Variants in SACS observed in about 807,000 individuals in gnomAD.
SACS encodes the protein sacsin molecular chaperone.
In SACS, 197 loss-of-function variants were observed where a neutral mutation model predicts 348.0. The ratio of observed to expected loss-of-function variants is 0.57; its 90% CI spans 0.50 to 0.64. The LOEUF (loss-of-function observed/expected upper bound fraction) is 0.64, where lower values mean the gene tolerates loss of function less well. Among genes scored for constraint, SACS ranks in the 30% least tolerant of loss-of-function variants. The pLI, the probability that SACS is intolerant of heterozygous loss-of-function variation, is 0.00. For synonymous variants in SACS, 1,985 were observed against 1,910.6 expected (o/e 1.04, Z -1.02); for missense variants, 4,999 against 5,360.8 (o/e 0.93, Z 2.11).
intron 1 of SACS, among the ~76,000 whole-genome samples, chr13:23,429,125 A>G (rs1197107894): frequency 2.6e-5 from 4 of 152,180 alleles, no homozygotes; most frequent in Non-Finnish European, 5.9e-5. Context: ...AAGCTGCTAA[A>G]TGAAATTTTA....
In SACS at chr13:23,335,120, G is replaced by A. The variant is rs894455535; in HGVS notation, c.8756C>T (p.Ala2919Val). ...WNNSLMTALIAPAYVELLIQL... is the reference protein window; with the variant it reads ...WNNSLMTALIVPAYVELLIQL... ...TATTAGCAATTCAACATATGCAGGA[G>A]CTATTAATGCTGTCATTAAACTGTT... Residue 2919 changes from alanine to valine, a missense_variant, in exon 10 of 10, where the codon GCT (alanine) becomes GTT (valine). By Grantham distance (64) the Ala-to-Val change is moderately conservative. Coordinates refer to ENST00000382292, the MANE Select transcript of SACS (RefSeq NM_014363.6). The surrounding 1 kb of genome is among the most constrained non-coding windows in gnomAD (Gnocchi z 4.7). 5.6e-6 allele frequency: 9 copies of A among 1,613,868 alleles called. No individual in the cohort carries two copies. Among genetic ancestry groups the A allele is most frequent in the East Asian group, 2.2e-5 (1 of 44,886 alleles).
chr13:23,377,122 G>C (rs576406769), intron 2 of SACS, among the ~76,000 whole-genome samples: 1 of 152,296 alleles, frequency 6.6e-6, no homozygotes, highest in East Asian at 1.9e-4. Flanking sequence ...TAGATTAGTG[G>C]GGCTGTGGGG....
At position 23,334,485 on chromosome 13, in the gene SACS, T is replaced by G; in HGVS notation, c.9391A>C (p.Ser3131Arg). The change falls in exon 10 of 10, where the codon AGT becomes CGT. Residue 3131 changes from serine to arginine, a missense_variant. Ser to Arg is a moderately radical substitution (Grantham distance 110). Transcript: ENST00000382292. Reference sequence around the variant, plus strand: ...CAATAATCAACTAAAAGTTTTAAACTATGAAAAAGTTTTAGATTAGTCTGC... The same window carrying G: ...CAATAATCAACTAAAAGTTTTAAACGATGAAAAAGTTTTAGATTAGTCTGC... ...LQQTNLKLFH[S>R]LKLLVDYCFK... The G allele has an allele frequency of 6.2e-7, 1 of 1,613,062 alleles. No homozygotes were observed. Among genetic ancestry groups the G allele is most frequent in the Non-Finnish European group, 8.5e-7 (1 of 1,179,766 alleles).
rs1869186520 is a variant in SACS at position 23,341,250 on chromosome 13, C to T, written c.2626G>A (p.Val876Ile). Residue 876 changes from valine (V) to isoleucine (I), a missense_variant, in exon 10 of 10, where the codon GTT becomes ATT. By Grantham distance (29) the Val-to-Ile change is conservative (BLOSUM62 3). Transcript: ENST00000382292. ...GGCATCTTCTCCATTATCTGCAAAA[C>T]AGCACTTGGTAATGGTGAATGAATA... Reference protein sequence around the residue: ...KYIHSPLPSAVLQIMEKMPLQ... With the variant: ...KYIHSPLPSAILQIMEKMPLQ... 6.2e-7 allele frequency: 1 copy of T among 1,613,836 alleles called. No homozygotes were observed. Among genetic ancestry groups the T allele is most frequent in the Non-Finnish European group, 8.5e-7 (1 of 1,179,904 alleles).
intron 2 of SACS, among the ~76,000 whole-genome samples, chr13:23,396,844 T>C (rs1432737715): frequency 6.6e-6 from 1 of 152,218 alleles, no homozygotes; most frequent in African/African-American, 2.4e-5. Context: ...AAAATCTTTT[T>C]GGCAACTGGC....
chr13:23,336,372 G>A lies in SACS; in HGVS notation c.7504C>T (p.Arg2502Ter), dbSNP rs281865118. The A allele has an allele frequency of 9.3e-6, 15 of 1,614,044 alleles. No individual in the cohort carries two copies. The highest frequency in any genetic ancestry group is 1.2e-5 in the Non-Finnish European group (14 of 1,179,944). The stretch of plus-strand genomic sequence containing the variant: ...GCATATCTTTCTAAGGCTTTGTGTC[G>A]CTTTGGGACTGCTCCTAGTTTTACT... ...VAVKLGAVPK[R>*]HKALERYASN... Residue 2502 changes from arginine (R) to a stop codon, truncating the protein, a stop_gained, in exon 10 of 10, where the codon CGA becomes TGA. Transcript: ENST00000382292. LOFTEE classifies it high-confidence loss of function.
At position 23,355,363 on chromosome 13, in the gene SACS, C is replaced by A; in HGVS notation, c.1249G>T (p.Val417Phe). The change falls in exon 8 of 10, where the codon GTC (valine) becomes TTC (phenylalanine). Residue 417 changes from valine (V) to phenylalanine (F), a missense_variant. Around this residue, in one of 6 missense-constraint regions of SACS, gnomAD observed 3,156 missense variants for 3,380.1 expected, o/e 0.93. Transcript: ENST00000382292. ...LDSLADELKF[V>F]PIIGIAMPLS... ...GGCATGGCTATTCCAATGATTGGGA[C>A]AAATTTCAGTTCATCAGCTAAAGAG... 1 of 1,614,122 alleles carries A rather than the reference C, an allele frequency of 6.2e-7. No individual in the cohort carries two copies. Among genetic ancestry groups the A allele is most frequent in the Non-Finnish European group, 8.5e-7 (1 of 1,180,036 alleles).
In SACS at chr13:23,338,484, A is replaced by G; in HGVS notation, c.5392T>C (p.Ser1798Pro). ...TCTGATGGCTTTTTTGATTGGCCAG[A>G]CTTAGCCATTTCAAAGAGAGCAGCT... is the stretch of plus-strand genomic sequence containing the variant. ...DPAALFEMAK[S>P]GQSKKPSDEL... Residue 1798 changes from serine (S) to proline (P), a missense_variant, in exon 10 of 10, where the codon TCT (serine) becomes CCT (proline). Physicochemically the swap from Ser to Pro is moderately conservative, Grantham distance 74. This residue lies in a region of SACS where 3,156 missense variants were observed against 3,380.1 expected (regional missense o/e 0.93). Transcript: ENST00000382292. 1 of 1,614,166 alleles carries G rather than the reference A, an allele frequency of 6.2e-7. No individual in the cohort carries two copies. Among genetic ancestry groups the G allele is most frequent in the Non-Finnish European group, 8.5e-7 (1 of 1,180,012 alleles).
chr13:23,364,273 T>A (rs529948659), intron 6 of SACS, among the ~76,000 whole-genome samples: 3 of 152,326 alleles, frequency 2.0e-5, no homozygotes, highest in East Asian at 3.9e-4. Flanking sequence ...GATCCCACTT[T>A]TTCTCAGTAA....
At position 23,331,103 on chromosome 13, in the gene SACS, G is replaced by A. The variant is rs765646434; in HGVS notation, c.12773C>T (p.Ala4258Val). Residue 4258 changes from alanine (A) to valine (V), a missense_variant, in exon 10 of 10, where the codon GCT (alanine) becomes GTT (valine). By Grantham distance (64) the Ala-to-Val change is moderately conservative. Coordinates refer to ENST00000382292, the MANE Select transcript of SACS (RefSeq NM_014363.6). ...AGTGGGGCTGGTTGGTGTAGAAGGA[G>A]CACTGTCCCTGCTTTGAGAGCTTTC... ...PEESSQSRDS[A>V]PSTPTSPTEF... 10 of 1,614,008 alleles carry A rather than the reference G, an allele frequency of 6.2e-6. No individual in the cohort carries two copies. In the South Asian group the frequency reaches 8.8e-5, roughly 14 times the overall value.
At chr13:23,414,051 T>C (rs1873606673) in intron 1 of SACS, among the ~76,000 whole-genome samples, 1 of 152,184 alleles carries the variant, frequency 6.6e-6, no homozygotes, top group Non-Finnish European at 1.5e-5. Flanking sequence ...ACGCCTGTAA[T>C]CCCAGCACGT....
chr13:23,375,382 C>T (rs954043621), intron 2 of SACS, 113 bp from the exon 3 acceptor site: 1 of 1,249,248 alleles, frequency 8.0e-7, no homozygotes, highest in African/African-American at 1.6e-5. Flanking sequence ...GCAGGCGCCC[C>T]TAGCGCCCGC....
Position 23,335,235 on chromosome 13 carries a change from A to C in SACS, c.8641T>G (p.Phe2881Val), listed in dbSNP as rs1161717839. Residue 2881 changes from phenylalanine (F) to valine (V), a missense_variant, in exon 10 of 10, where the codon TTT becomes GTT. Coordinates refer to ENST00000382292, the MANE Select transcript of SACS (RefSeq NM_014363.6). This position sits in a 1 kb window ranked among gnomAD's most constrained non-coding sequence, Gnocchi z 4.7. ...LPLSLETGLP[F>V]HVNGHFALDS... The stretch of plus-strand genomic sequence containing the variant: ...AGTGCAAAGTGGCCATTCACATGAA[A>C]TGGCAGCCCAGTCTCCAAAGAAAGA... The C allele has an allele frequency of 6.2e-7, 1 of 1,613,950 alleles. No individual in the cohort carries two copies. Among genetic ancestry groups the C allele is most frequent in the Admixed American group, 1.7e-5 (1 of 59,980 alleles).
Position 23,335,802 on chromosome 13 carries a change from G to T in SACS, c.8074C>A (p.Leu2692Met), listed in dbSNP as rs1173167953. 2 of 1,613,998 alleles carry T rather than the reference G, an allele frequency of 1.2e-6. No homozygotes were observed. Among genetic ancestry groups the T allele is most frequent in the South Asian group, 2.2e-5 (2 of 91,082 alleles). ...AATCTGAACATTGTGCAATTATCCA[G>T]TTTAAAATGGGTTCCCAGATAAAGA... ...LDLYLGTHFK[L>M]DNCTMFRFPL... Residue 2692 changes from leucine to methionine, a missense_variant, in exon 10 of 10, where the codon CTG (leucine) becomes ATG (methionine). Physicochemically the swap from Leu to Met is conservative, Grantham distance 15. Transcript: ENST00000382292. The surrounding 1 kb of genome is among the most constrained non-coding windows in gnomAD (Gnocchi z 4.7).
chr13:23,414,521 G>T (rs755271115), intron 1 of SACS, among the ~76,000 whole-genome samples: 1 of 142,680 alleles, frequency 7.0e-6, no homozygotes, highest in Non-Finnish European at 1.6e-5. Context: ...CATGCTTGTC[G>T]ACCTCACTGA....
At chr13:23,364,139 A>G (rs891454423) in intron 6 of SACS, among the ~76,000 whole-genome samples, 1 of 152,226 alleles carries the variant, frequency 6.6e-6, no homozygotes, top group Admixed American at 6.5e-5. Flanking sequence ...AAGAATGACT[A>G]TATGAGACAT....
chr13:23,343,836 C>T (rs1869432514), intron 9 of SACS, among the ~76,000 whole-genome samples: 1 of 152,186 alleles, frequency 6.6e-6, no homozygotes, highest in Admixed American at 6.5e-5. Context: ...ATGACTTTAT[C>T]TTCTACCAAG....
intron 1 of SACS, among the ~76,000 whole-genome samples, chr13:23,412,103 C>G (rs1873508275): frequency 6.6e-6 from 1 of 152,026 alleles, no homozygotes; most frequent in Non-Finnish European, 1.5e-5. Context: ...ACTAAAAATA[C>G]AAAAAATTAG....
intron 2 of SACS, among the ~76,000 whole-genome samples, chr13:23,408,872 G>A (rs1278541723): frequency 2.6e-5 from 4 of 151,230 alleles, no homozygotes; most frequent in African/African-American, 9.7e-5. Flanking sequence ...TGAGGCAGGA[G>A]AATGGCATGA....
Sources: allele counts gnomAD v4.1 joint callset (sites outside exome capture counted in the v4.1 genomes callset), GRCh38; gene constraint gnomAD v4.1.1; regional missense constraint gnomAD v4.1.1; non-coding constraint Gnocchi (gnomAD v3.1); transcripts MANE v1.5; gene names NCBI Gene and HGNC (gene_info 2026-07-23, HGNC 2026-07-21).